Variants in RYR2 observed in about 807,000 individuals in gnomAD.
RYR2 encodes the protein cardiac muscle ryanodine receptor-calcium release channel.
In RYR2, 227 loss-of-function variants were observed where a neutral mutation model predicts 601.1. The observed-to-expected ratio is 0.38, with a 90% CI of 0.34 to 0.42. The LOEUF (loss-of-function observed/expected upper bound fraction) is 0.42. RYR2 is among the 10% of genes least tolerant of loss of function. The probability of loss-of-function intolerance (pLI) is 1.00; values close to 1 mark genes in which losing one functional copy is unlikely to be tolerated. For missense variants in RYR2, 4,646 were observed against 6,156.5 expected (o/e 0.75, Z 8.21); for synonymous variants, 2,223 against 2,175.1 (o/e 1.02, Z -0.61).
Position 237,042,448 on chromosome 1 carries a change from CAG to C in RYR2, c.-73_-72del, listed in dbSNP as rs1240980892. ...GGCTCCCGGCAGCAGAAGCAGAAGG[CAG>C]CGCCAGGGGCCGCCGCCGCCGCCGA... On this transcript the variant is annotated 5_prime_UTR_variant, in exon 1 of 105. Transcript: ENST00000366574. 1 of 1,214,892 alleles carries C rather than the reference CAG, an allele frequency of 8.2e-7. No homozygotes were observed. The highest frequency in any genetic ancestry group is 3.3e-5 in the East Asian group (1 of 30,360). The allele number at this position is 1,214,892 out of a possible 1,614,324, so 75.3% of individuals were successfully genotyped here. A position where few individuals can be genotyped will look rare whatever the true frequency, so the allele number is the denominator to read the frequency against.
intron 1 of RYR2, among the ~76,000 whole-genome samples, chr1:237,116,786 A>G (rs969270110): frequency 3.9e-5 from 6 of 152,110 alleles, no homozygotes; most frequent in Admixed American, 2.6e-4. Flanking sequence ...TCAAGCAGTG[A>G]GGCAGAGAAC....
At position 237,833,873 on chromosome 1, in the gene RYR2, AAGTC is replaced by A. The variant is rs1485691058; in HGVS notation, c.*1229_*1232del. The A allele has an allele frequency of 1.3e-5, 2 of 152,656 alleles. No individual in the cohort carries two copies. The highest frequency in any genetic ancestry group is 2.4e-5 in the African/African-American group (1 of 41,456). The allele number at this position is 152,656 out of a possible 1,614,324, so 9.5% of individuals were successfully genotyped here. Reference sequence around the variant, plus strand: ...TGTAATGCTAACCTTTACAATTAAAAAGTCAGATTCAGAATGGAAACAAGGTCAT... The same window carrying A: ...TGTAATGCTAACCTTTACAATTAAAAAGATTCAGAATGGAAACAAGGTCAT... On this transcript the variant is annotated 3_prime_UTR_variant, in exon 105 of 105. Coordinates refer to ENST00000366574, the MANE Select transcript of RYR2 (RefSeq NM_001035.3).
chr1:237,392,943 CAAG>C (rs1381189995), intron 10 of RYR2, among the ~76,000 whole-genome samples: 2 of 152,106 alleles, frequency 1.3e-5, no homozygotes, highest in African/African-American at 2.4e-5. Flanking sequence ...TTTATTTTCT[CAAG>C]AAGTTTACAT....
intron 1 of RYR2, among the ~76,000 whole-genome samples, chr1:237,214,596 C>A (rs1043086060): frequency 1.3e-5 from 2 of 152,146 alleles, no homozygotes; most frequent in African/African-American, 4.8e-5. Flanking sequence ...CAAACACTTC[C>A]TACCGGGTTC....
At chr1:237,361,091 C>T (rs1699748941) in intron 4 of RYR2, among the ~76,000 whole-genome samples, 1 of 152,108 alleles carries the variant, frequency 6.6e-6, no homozygotes, top group South Asian at 2.1e-4. Context: ...ATACTCCTGC[C>T]CTGGCCTCCC....
At chr1:237,449,912 T>C (rs1657883697) in intron 14 of RYR2, among the ~76,000 whole-genome samples, 2 of 152,190 alleles carry the variant, frequency 1.3e-5, no homozygotes. Context: ...TCTTGAGCTT[T>C]TTCCTGGGAT....
intron 1 of RYR2, among the ~76,000 whole-genome samples, chr1:237,056,950 T>G (rs1282020659): frequency 1.3e-5 from 2 of 152,322 alleles, no homozygotes; most frequent in Admixed American, 1.3e-4. Context: ...AGCTGAGAGA[T>G]AATACATTTC....
chr1:237,292,141 G>A (rs1692289682), intron 2 of RYR2, among the ~76,000 whole-genome samples: 1 of 152,146 alleles, frequency 6.6e-6, no homozygotes, highest in Admixed American at 6.5e-5. Context: ...ATCCCTAAAT[G>A]TTCGGCAGTA....
chr1:237,311,399 AT>A (rs1558601890), intron 2 of RYR2, among the ~76,000 whole-genome samples: 1 of 152,136 alleles, frequency 6.6e-6, no homozygotes, highest in East Asian at 1.9e-4. Context: ...GTGTGAAGTC[AT>A]TACAGTGAGA....
intron 79 of RYR2, among the ~76,000 whole-genome samples, chr1:237,734,367 A>G (rs1573728012): frequency 6.6e-6 from 1 of 152,196 alleles, no homozygotes; most frequent in East Asian, 1.9e-4. Context: ...CTCACTCACT[A>G]TCGTGAGAAC....
chr1:237,720,185 C>T (rs1037825160), intron 73 of RYR2, among the ~76,000 whole-genome samples: 1 of 152,150 alleles, frequency 6.6e-6, no homozygotes, highest in Non-Finnish European at 1.5e-5. Flanking sequence ...TATTTTGACT[C>T]AGCCTGTTGT....
chr1:237,069,871 A>G (rs1664090480), intron 1 of RYR2, among the ~76,000 whole-genome samples: 1 of 152,174 alleles, frequency 6.6e-6, no homozygotes, highest in African/African-American at 2.4e-5. Context: ...ATTTTTCCTG[A>G]AAACTTAATG....
chr1:237,372,324 A>G lies in RYR2; in HGVS notation c.385-2393A>G, dbSNP rs57779374. 6.2e-3 allele frequency among the ~76,000 whole-genome samples: 952 copies of G among 152,344 alleles called. 17 individuals are homozygous for G. Among genetic ancestry groups the G allele is most frequent in the African/African-American group, 0.022 (913 of 41,576 alleles). On this transcript the variant is annotated intron_variant, in intron 6 of 104. Coordinates refer to ENST00000366574, the MANE Select transcript of RYR2 (RefSeq NM_001035.3). ...TGGAAAAGGTTTTTAATAAAATTCAATGCTCATTCTTAATGAAAACTAAAC... is the reference window on the plus strand; with the variant it reads ...TGGAAAAGGTTTTTAATAAAATTCAGTGCTCATTCTTAATGAAAACTAAAC...
chr1:237,423,289 C>T lies in RYR2; in HGVS notation c.1005+41C>T, dbSNP rs368794071. ...TTTTGGGTTTCCTATAAATGTTACC[C>T]GGTCATATTTCCTTTGATGTTAGAA... On this transcript the variant is annotated intron_variant, in intron 12 of 104. Transcript: ENST00000366574. 1.0e-4 allele frequency: 160 copies of T among 1,585,514 alleles called. No individual in the cohort carries two copies. The African/African-American group carries it at 1.2e-3, about 12-fold the overall frequency.
At chr1:237,253,677 A>G (rs914711067) in intron 1 of RYR2, among the ~76,000 whole-genome samples, 1 of 152,148 alleles carries the variant, frequency 6.6e-6, no homozygotes, top group African/African-American at 2.4e-5. Flanking sequence ...CCAATGTACA[A>G]CCTAACTTTT....
chr1:237,637,605 G>T (rs532422989), intron 44 of RYR2, among the ~76,000 whole-genome samples: 1 of 152,074 alleles, frequency 6.6e-6, no homozygotes, highest in South Asian at 2.1e-4. Context: ...TTTTCTCTAC[G>T]TATTTTCTCA....
At position 237,714,908 on chromosome 1, in the gene RYR2, A is replaced by G. The variant is rs139689424; in HGVS notation, c.10324-2290A>G. ...ACTTGGGAGGCTGAGGCAGAGCATT[A>G]CTTGAACCCAGGAGATGGAGACTGC... is the stretch of plus-strand genomic sequence containing the variant. On this transcript the variant is annotated intron_variant, in intron 71 of 104. Transcript: ENST00000366574. Among the ~76,000 whole-genome samples the G allele has an allele frequency of 6.8e-3, 982 of 144,602 alleles. 15 individuals are homozygous for G. Among genetic ancestry groups the G allele is most frequent in the African/African-American group, 0.024 (929 of 38,940 alleles). 94.9% of individuals were successfully genotyped at this position (144,602 alleles called of 152,430 possible).
Position 237,468,657 on chromosome 1 carries a change from A to G in RYR2, c.1613-435A>G, listed in dbSNP as rs556790300. Among the ~76,000 whole-genome samples, 5 of 152,282 alleles carry G rather than the reference A, an allele frequency of 3.3e-5. No individual in the cohort carries two copies. The South Asian group carries it at 1.0e-3, about 32-fold the overall frequency. ...GTTATAATTACTAGTTATATCTCCT[A>G]GTATTTTGTGGTTCATTTTCAGAAA... is the stretch of plus-strand genomic sequence containing the variant. On this transcript the variant is annotated intron_variant, in intron 16 of 104. Transcript: ENST00000366574.
intron 10 of RYR2, among the ~76,000 whole-genome samples, chr1:237,410,293 T>C (rs1704312284): frequency 6.6e-6 from 1 of 152,210 alleles, no homozygotes; most frequent in Non-Finnish European, 1.5e-5. Context: ...TGAATTTGTC[T>C]ATATTTCTCT....
Sources: gnomAD v4.1 joint callset for allele counts (sites outside exome capture counted in the v4.1 genomes callset) on GRCh38, gnomAD v4.1.1 for gene constraint, MANE v1.5 for transcripts, NCBI Gene and HGNC (gene_info 2026-07-23, HGNC 2026-07-21) for gene names.